The following MRPS28 variants were observed in gnomAD, a reference collection of about 807,000 sequenced individuals.
MRPS28 encodes the protein small ribosomal subunit protein bS1m.
A neutral mutation model predicts 10.8 loss-of-function variants in MRPS28; 7 were observed. The observed-to-expected ratio is 0.65, with a 90% CI of 0.37 to 1.22. The LOEUF (loss-of-function observed/expected upper bound fraction) is 1.22, where lower values mean the gene tolerates loss of function less well. MRPS28 is among the 50% of genes most tolerant of loss of function. The pLI is 0.02. For synonymous variants in MRPS28, 121 were observed against 93.3 expected (o/e 1.30, Z -1.71); for missense variants, 265 against 232.9 (o/e 1.14, Z -0.90).
intron 2 of MRPS28, among the ~76,000 whole-genome samples, chr8:79,987,488 C>A (rs1402868625): frequency 2.0e-5 from 3 of 152,072 alleles, no homozygotes; most frequent in African/African-American, 4.8e-5. Context: ...AGTGAACAGG[C>A]AACCTACAGA....
intron 1 of MRPS28, among the ~76,000 whole-genome samples, chr8:80,004,373 C>G (rs931087655): frequency 2.6e-5 from 4 of 152,212 alleles, no homozygotes; most frequent in African/African-American, 9.6e-5. Context: ...CCCAGGCAAA[C>G]AGGGTCTGGA....
chr8:79,939,693 G>A (rs1157230271), intron 2 of MRPS28, among the ~76,000 whole-genome samples: 2 of 152,036 alleles, frequency 1.3e-5, no homozygotes, highest in African/African-American at 2.4e-5. Context: ...TATGTTGGCC[G>A]GGCACGGTGG....
intron 2 of MRPS28, among the ~76,000 whole-genome samples, chr8:79,997,624 A>C (rs534144254): frequency 4.5e-4 from 68 of 152,346 alleles, no homozygotes; most frequent in South Asian, 4.1e-3. Context: ...GAAAAAAAAA[A>C]AACCAAAGTT....
intron 2 of MRPS28, among the ~76,000 whole-genome samples, chr8:79,955,822 C>T (rs1807192215): frequency 6.6e-6 from 1 of 152,182 alleles, no homozygotes; most frequent in Admixed American, 6.5e-5. Context: ...GTAAAGTTGA[C>T]ATTCTATGAG....
At chr8:79,970,933 T>C (rs1300815007) in intron 2 of MRPS28, among the ~76,000 whole-genome samples, 1 of 152,178 alleles carries the variant, frequency 6.6e-6, no homozygotes, top group Non-Finnish European at 1.5e-5. Context: ...ACATGTATTG[T>C]TTGGGCTAAG....
At chr8:79,977,242 T>C (rs1807826565) in intron 2 of MRPS28, among the ~76,000 whole-genome samples, 1 of 152,206 alleles carries the variant, frequency 6.6e-6, no homozygotes, top group South Asian at 2.1e-4. Flanking sequence ...TAAATACTCA[T>C]TTAAATGAGT....
intron 2 of MRPS28, among the ~76,000 whole-genome samples, chr8:79,953,256 G>T (rs1807123391): frequency 1.3e-5 from 2 of 152,188 alleles, no homozygotes; most frequent in African/African-American, 2.4e-5. Flanking sequence ...AGTTCTCACT[G>T]TTGCTGCAGA....
At chr8:79,972,143 C>G (rs116688360) in intron 2 of MRPS28, among the ~76,000 whole-genome samples, 2,911 of 152,092 alleles carry the variant, frequency 0.019, 84 homozygotes, top group African/African-American at 0.064. Flanking sequence ...GGAATAAAAG[C>G]CAATAAAAAT....
chr8:79,938,027 G>C (rs1443227827), intron 2 of MRPS28, among the ~76,000 whole-genome samples: 3 of 152,206 alleles, frequency 2.0e-5, no homozygotes, highest in Admixed American at 6.5e-5. Context: ...GGGGAGGTGT[G>C]TGTGCTCGCT....
chr8:79,944,696 T>C lies in MRPS28; in HGVS notation c.396-25548A>G, dbSNP rs573364294. Among the ~76,000 whole-genome samples the C allele has an allele frequency of 4.3e-4, 25 of 58,728 alleles. No homozygotes were observed. In the South Asian group the frequency reaches 8.8e-3, roughly 21 times the overall value. The allele number at this position is 58,728 out of a possible 152,430, so 38.5% of individuals were successfully genotyped here. A position where few individuals can be genotyped will look rare whatever the true frequency, so the allele number is the denominator to read the frequency against. On this transcript the variant is annotated intron_variant, in intron 2 of 2. Transcript: ENST00000276585. ...TTAAAGCCATAATTTTTCTTTTTCTTTTTTCTTTTTTTTTTTTGAGACAAG... is the reference window on the plus strand; with the variant it reads ...TTAAAGCCATAATTTTTCTTTTTCTCTTTTCTTTTTTTTTTTTGAGACAAG...
At chr8:80,006,637 A>G (rs550124199) in intron 1 of MRPS28, among the ~76,000 whole-genome samples, 1 of 152,376 alleles carries the variant, frequency 6.6e-6, no homozygotes, top group Admixed American at 6.5e-5. Flanking sequence ...AGAATACTAT[A>G]AACACCTCTA....
At chr8:79,967,093 A>G (rs1807522768) in intron 2 of MRPS28, among the ~76,000 whole-genome samples, 1 of 152,182 alleles carries the variant, frequency 6.6e-6, no homozygotes, top group South Asian at 2.1e-4. Context: ...GGCTAACAAC[A>G]TATCCTAGTA....
intron 2 of MRPS28, among the ~76,000 whole-genome samples, chr8:79,998,611 T>C (rs1808570563): frequency 6.6e-6 from 1 of 152,156 alleles, no homozygotes; most frequent in Non-Finnish European, 1.5e-5. Flanking sequence ...TTAAACAAAA[T>C]TGTCCCAGAG....
At chr8:79,926,253 G>A (rs889831618) in intron 2 of MRPS28, among the ~76,000 whole-genome samples, 3 of 152,012 alleles carry the variant, frequency 2.0e-5, no homozygotes, top group Non-Finnish European at 4.4e-5. Context: ...AAGCAAAAAG[G>A]GATACGTTTT....
intron 2 of MRPS28, among the ~76,000 whole-genome samples, chr8:79,929,924 GATTAAA>G (rs1022744388): frequency 2.6e-5 from 4 of 152,022 alleles, no homozygotes; most frequent in Admixed American, 6.5e-5. Context: ...CTGGAAACCA[GATTAAA>G]AAAAGAGCAG....
At chr8:79,960,254 G>C (rs1428042208) in intron 2 of MRPS28, among the ~76,000 whole-genome samples, 2 of 152,108 alleles carry the variant, frequency 1.3e-5, no homozygotes, top group African/African-American at 4.8e-5. Context: ...ACAACAGGTA[G>C]GCACAAGCAT....
At chr8:79,958,448 G>GA (rs1260945921) in intron 2 of MRPS28, 1 of 651,938 alleles carries the variant, frequency 1.5e-6, no homozygotes, top group African/African-American at 1.8e-5. Flanking sequence ...GAGTGAAGGA[G>GA]AAAATGTTGA....
chr8:79,927,059 T>C (rs1413223136), intron 2 of MRPS28, among the ~76,000 whole-genome samples: 1 of 152,198 alleles, frequency 6.6e-6, no homozygotes, highest in Non-Finnish European at 1.5e-5. Context: ...TCCTTACAAG[T>C]GCATGCAGTT....
rs940692431 is a variant in MRPS28 at position 80,030,240 on chromosome 8, C to T, written c.9G>A (p.Ala3=). Residue 3 remains alanine, a synonymous_variant, in exon 1 of 3, where the codon GCG becomes GCA. Transcript: ENST00000276585. ...CAGCCACAGCACGGGTCCGACACAG[C>T]GCCGCCATGACTTCTTTACCTCTGA... is the stretch of plus-strand genomic sequence containing the variant. MA[A]LCRTRAVAAE... The T allele has an allele frequency of 6.2e-7, 1 of 1,614,108 alleles. No individual in the cohort carries two copies. Among genetic ancestry groups the T allele is most frequent in the Non-Finnish European group, 8.5e-7 (1 of 1,180,042 alleles).
Sources: allele counts gnomAD v4.1 joint callset (sites outside exome capture counted in the v4.1 genomes callset), GRCh38; gene constraint gnomAD v4.1.1; transcripts MANE v1.5; gene names NCBI Gene and HGNC (gene_info 2026-07-23, HGNC 2026-07-21).